DTX1: variants seen among roughly 807,000 people sequenced by gnomAD.
DTX1 encodes deltex E3 ubiquitin ligase 1, also known as E3 ubiquitin-protein ligase DTX1.
A neutral mutation model predicts 57.8 loss-of-function variants in DTX1; 26 were observed. The observed-to-expected ratio is 0.45, with a 90% CI of 0.33 to 0.62. The LOEUF (loss-of-function observed/expected upper bound fraction) is 0.62, where lower values mean the gene tolerates loss of function less well. DTX1 is among the 20% of genes least tolerant of loss of function. The pLI is 0.02. For synonymous variants in DTX1, 398 were observed against 394.1 expected (o/e 1.01, Z -0.12); for missense variants, 704 against 895.3 (o/e 0.79, Z 2.73).
At position 113,093,741 on chromosome 12, in the gene DTX1, C is replaced by T; in HGVS notation, c.1165+41C>T. ...CCTGCCTCACACGAGATGAACCCCA[C>T]TAAGCCTTGACCACAACTCTGTGAC... On this transcript the variant is annotated intron_variant, in intron 5 of 9. Coordinates refer to ENST00000548759, the MANE Select transcript of DTX1 (RefSeq NM_004416.3). This position sits in a 1 kb window ranked among gnomAD's most constrained non-coding sequence, Gnocchi z 4.2. 3 of 1,606,412 alleles carry T rather than the reference C, an allele frequency of 1.9e-6. No homozygotes were observed. The highest frequency in any genetic ancestry group is 2.6e-6 in the Non-Finnish European group (3 of 1,175,090).
intron 3 of DTX1, among the ~76,000 whole-genome samples, chr12:113,090,401 G>T (rs1230310483): frequency 6.6e-6 from 1 of 152,190 alleles, no homozygotes; most frequent in Admixed American, 6.5e-5. Flanking sequence ...CCCTCTTCCT[G>T]GGGCCCCCCC....
At position 113,077,562 on chromosome 12, in the gene DTX1, A is replaced by C; in HGVS notation, c.398A>C (p.Tyr133Ser). The C allele has an allele frequency of 6.2e-7, 1 of 1,613,786 alleles. No individual in the cohort carries two copies. Among genetic ancestry groups the C allele is most frequent in the South Asian group, 1.1e-5 (1 of 91,084 alleles). ...MDICITIQNAYEKQHPWLDLS... is the reference protein window; with the variant it reads ...MDICITIQNASEKQHPWLDLS... Reference sequence around the variant, plus strand: ...ATCTGCATCACCATCCAGAACGCCTACGAGAAGCAGCACCCGTGGCTCGAC... The same window carrying C: ...ATCTGCATCACCATCCAGAACGCCTCCGAGAAGCAGCACCCGTGGCTCGAC... The change falls in exon 3 of 10, where the codon TAC becomes TCC. Residue 133 changes from tyrosine (Y) to serine (S), a missense_variant. Tyr to Ser is a moderately radical substitution (Grantham distance 144, BLOSUM62 -2). Around this residue, in one of 3 missense-constraint regions of DTX1, gnomAD observed 237 missense variants for 328.6 expected, o/e 0.72. Coordinates refer to ENST00000548759, the MANE Select transcript of DTX1 (RefSeq NM_004416.3). The surrounding 1 kb of genome is among the most constrained non-coding windows in gnomAD (Gnocchi z 7.8).
At chr12:113,080,619 G>A (rs556282937) in intron 3 of DTX1, among the ~76,000 whole-genome samples, 1 of 150,876 alleles carries the variant, frequency 6.6e-6, no homozygotes, top group African/African-American at 2.5e-5. Flanking sequence ...GGAATGGAAC[G>A]GAATGGAAAA....
intron 9 of DTX1, chr12:113,095,640 G>A: frequency 1.8e-6 from 1 of 570,124 alleles, no homozygotes; most frequent in Non-Finnish European, 3.1e-6. Flanking sequence ...AAAGACACAA[G>A]GCTTCAGAAA....
At chr12:113,081,464 A>G (rs915229888) in intron 3 of DTX1, among the ~76,000 whole-genome samples, 1 of 152,218 alleles carries the variant, frequency 6.6e-6, no homozygotes, top group African/African-American at 2.4e-5. Flanking sequence ...GAACAAGACA[A>G]ACAAGGCCTG....
In DTX1 at chr12:113,093,524, C is replaced by G; in HGVS notation, c.1004-15C>G. 1 of 1,584,428 alleles carries G rather than the reference C, an allele frequency of 6.3e-7. No individual in the cohort carries two copies. Among genetic ancestry groups the G allele is most frequent in the South Asian group, 1.1e-5 (1 of 88,714 alleles). The stretch of plus-strand genomic sequence containing the variant: ...GATGGCGCCCCGCCCTGTGACTGCG[C>G]CCCCTAACCCCCAGGGATGACCGGG... On this transcript the variant is annotated splice_polypyrimidine_tract_variant and intron_variant, in intron 4 of 9. Transcript: ENST00000548759. This position sits in a 1 kb window ranked among gnomAD's most constrained non-coding sequence, Gnocchi z 4.2.
Position 113,093,648 on chromosome 12 carries a change from G to C in DTX1, c.1113G>C (p.Val371=). 1 of 1,613,716 alleles carries C rather than the reference G, an allele frequency of 6.2e-7. No homozygotes were observed. Among genetic ancestry groups the C allele is most frequent in the African/African-American group, 1.3e-5 (1 of 75,032 alleles). The stretch of plus-strand genomic sequence containing the variant: ...TGAGCAAGAGCGACGTGAAGCCCGT[G>C]CCTGGCGTGCCCGGGGTGTGCCGCA... ...PPVSKSDVKP[V]PGVPGVCRKT... is the part of the protein sequence containing the mutation. Residue 371 remains valine, a synonymous_variant, in exon 5 of 10, where the codon GTG becomes GTC. Coordinates refer to ENST00000548759, the MANE Select transcript of DTX1 (RefSeq NM_004416.3). The surrounding 1 kb of genome is among the most constrained non-coding windows in gnomAD (Gnocchi z 4.2).
intron 2 of DTX1, among the ~76,000 whole-genome samples, chr12:113,072,063 C>A (rs2044741359): frequency 6.6e-6 from 1 of 152,180 alleles, no homozygotes; most frequent in Non-Finnish European, 1.5e-5. Flanking sequence ...GCCTGAGGGT[C>A]CTCCCCAGGG....
At position 113,067,928 on chromosome 12, in the gene DTX1, A is replaced by G. The variant is rs58716967; in HGVS notation, c.259+9477A>G. 6.3e-3 allele frequency among the ~76,000 whole-genome samples: 958 copies of G among 152,102 alleles called. 10 individuals carry two copies. The highest frequency in any genetic ancestry group is 0.022 in the African/African-American group (921 of 41,484). On this transcript the variant is annotated intron_variant, in intron 2 of 9. Transcript: ENST00000548759. ...ATGGCACACACCTGTGATCCCAGCT[A>G]CTCAGGAGGCTGAGGCTGGAGGATT...
chr12:113,093,747 C>A lies in DTX1; in HGVS notation c.1165+47C>A. The A allele has an allele frequency of 6.2e-7, 1 of 1,602,704 alleles. No individual in the cohort carries two copies. The highest frequency in any genetic ancestry group is 8.5e-7 in the Non-Finnish European group (1 of 1,172,468). On this transcript the variant is annotated intron_variant, in intron 5 of 9. Transcript: ENST00000548759. The surrounding 1 kb of genome is among the most constrained non-coding windows in gnomAD (Gnocchi z 4.2). Reference sequence around the variant, plus strand: ...TCACACGAGATGAACCCCACTAAGCCTTGACCACAACTCTGTGACCCCTGG... The same window carrying A: ...TCACACGAGATGAACCCCACTAAGCATTGACCACAACTCTGTGACCCCTGG...
rs2044778107 is a variant in DTX1 at position 113,077,152 on chromosome 12, C to G, written c.260-272C>G. Among the ~76,000 whole-genome samples the G allele has an allele frequency of 6.6e-6, 1 of 152,138 alleles. No individual in the cohort carries two copies. The highest frequency in any genetic ancestry group is 2.1e-4 in the South Asian group (1 of 4,824). On this transcript the variant is annotated intron_variant, in intron 2 of 9. Transcript: ENST00000548759. The surrounding 1 kb of genome is among the most constrained non-coding windows in gnomAD (Gnocchi z 7.8). ...ACGCGCCCCTGCCCACCTCTCGCCC[C>G]AGTGCTATGCGCTGAACCTTTAGCC...
chr12:113,074,518 AGAG>A (rs777396163), intron 2 of DTX1, among the ~76,000 whole-genome samples: 3 of 152,238 alleles, frequency 2.0e-5, no homozygotes, highest in African/African-American at 4.8e-5. Context: ...AGACAATGCC[AGAG>A]GAGGACAGGG....
intron 3 of DTX1, among the ~76,000 whole-genome samples, chr12:113,091,401 A>C (rs1275140463): frequency 7.7e-6 from 1 of 129,036 alleles, no homozygotes; most frequent in East Asian, 1.9e-4. Context: ...TATGTTCCCC[A>C]AGTAGACGGA....
chr12:113,094,706 A>G (rs1265059342), intron 6 of DTX1, 83 bp from the exon 7 acceptor site: 8 of 1,520,756 alleles, frequency 5.3e-6, no homozygotes, highest in East Asian at 4.8e-5. Flanking sequence ...TCTGCTGCCT[A>G]TGGTGACCCA....
At position 113,093,671 on chromosome 12, in the gene DTX1, G is replaced by T. The variant is rs962387179; in HGVS notation, c.1136G>T (p.Arg379Leu). 1.2e-6 allele frequency: 2 copies of T among 1,613,708 alleles called. No homozygotes were observed. The highest frequency in any genetic ancestry group is 1.1e-5 in the South Asian group (1 of 91,064). Residue 379 changes from arginine (R) to leucine (L), a missense_variant, in exon 5 of 10, where the codon CGC becomes CTC. Arg to Leu is a moderately radical substitution (Grantham distance 102, BLOSUM62 -2). Around this residue, in one of 3 missense-constraint regions of DTX1, gnomAD observed 299 missense variants for 311.2 expected, o/e 0.96. Coordinates refer to ENST00000548759, the MANE Select transcript of DTX1 (RefSeq NM_004416.3). This position sits in a 1 kb window ranked among gnomAD's most constrained non-coding sequence, Gnocchi z 4.2. ...GTGCCTGGCGTGCCCGGGGTGTGCC[G>T]CAAGACCAAGAAGAAGCACCTTAAA... ...KPVPGVPGVC[R>L]KTKKKHLKKS...
At chr12:113,096,276 G>A (rs1950290510) in intron 9 of DTX1, among the ~76,000 whole-genome samples, 2 of 151,072 alleles carry the variant, frequency 1.3e-5, no homozygotes, top group African/African-American at 2.4e-5. Flanking sequence ...GGCCGAGGTG[G>A]GAGGATCACT....
intron 2 of DTX1, among the ~76,000 whole-genome samples, chr12:113,076,562 G>C (rs2044773508): frequency 6.6e-6 from 1 of 151,800 alleles, no homozygotes; most frequent in Non-Finnish European, 1.5e-5. Context: ...CGAAGAGTTT[G>C]AGACTTAGCC....
At chr12:113,090,564 C>T (rs1424742801) in intron 3 of DTX1, among the ~76,000 whole-genome samples, 1 of 152,352 alleles carries the variant, frequency 6.6e-6, no homozygotes, top group East Asian at 1.9e-4. Context: ...CCCACCTCCA[C>T]TGACCAGGTC....
chr12:113,075,177 T>C (rs2136057614), intron 2 of DTX1, among the ~76,000 whole-genome samples: 1 of 152,312 alleles, frequency 6.6e-6, no homozygotes, highest in East Asian at 1.9e-4. Flanking sequence ...TTATGCCCAT[T>C]TTCAACATGA....
Sources: gnomAD v4.1 joint callset for allele counts (sites outside exome capture counted in the v4.1 genomes callset) on GRCh38, gnomAD v4.1.1 for gene constraint, gnomAD v4.1.1 regional missense constraint, Gnocchi (gnomAD v3.1) non-coding constraint, MANE v1.5 for transcripts, NCBI Gene and HGNC (gene_info 2026-07-23, HGNC 2026-07-21) for gene names.